Variants in TBC1D1 observed in about 807,000 individuals in gnomAD.
The protein encoded by TBC1D1 is TBC1 domain family member 1, also known as TBC1 (tre-2/USP6, BUB2, cdc16) domain family, member 1.
A neutral mutation model predicts 125.6 loss-of-function variants in TBC1D1; 89 were observed. The observed-to-expected ratio is 0.71, with a 90% confidence interval of 0.60 to 0.85. The LOEUF (loss-of-function observed/expected upper bound fraction) is 0.85. TBC1D1 is among the 40% of genes least tolerant of loss of function. The pLI is 0.00. For synonymous variants in TBC1D1, 565 were observed against 564.1 expected (o/e 1.00, Z -0.02); for missense variants, 1,377 against 1,469.2 (o/e 0.94, Z 1.03).
At chr4:38,018,226 A>C (rs780263222) in intron 3 of TBC1D1, 128 bp from the exon 4 acceptor site, 15 of 700,730 alleles carry the variant, frequency 2.1e-5, no homozygotes, top group Non-Finnish European at 3.6e-5. Flanking sequence ...ATAAGAGGGG[A>C]CCTTTGAAAT....
chr4:37,911,058 T>A (rs1718493072), intron 2 of TBC1D1, among the ~76,000 whole-genome samples: 1 of 151,528 alleles, frequency 6.6e-6, no homozygotes, highest in Admixed American at 6.6e-5. Flanking sequence ...TGGACTAGAC[T>A]AGCTTCCTAA....
chr4:38,083,450 G>A (rs964758148), intron 12 of TBC1D1, among the ~76,000 whole-genome samples: 1 of 152,188 alleles, frequency 6.6e-6, no homozygotes, highest in Non-Finnish European at 1.5e-5. Context: ...AATTAAACCT[G>A]TATGGATTTT....
intron 3 of TBC1D1, among the ~76,000 whole-genome samples, chr4:38,016,998 G>C (rs1315987154): frequency 6.6e-6 from 1 of 152,184 alleles, no homozygotes; most frequent in Admixed American, 6.5e-5. Flanking sequence ...TGCAGTGGGA[G>C]TGGAAGGGAC....
At chr4:37,916,895 T>C (rs1391531354) in intron 2 of TBC1D1, among the ~76,000 whole-genome samples, 1 of 151,954 alleles carries the variant, frequency 6.6e-6, no homozygotes, top group Non-Finnish European at 1.5e-5. Context: ...CTCCGCCTCT[T>C]GAGTAGCTGG....
At position 38,086,127 on chromosome 4, in the gene TBC1D1, AT is replaced by A. The variant is rs201162039; in HGVS notation, c.2051-3804del. On this transcript the variant is annotated intron_variant, in intron 12 of 19. Coordinates refer to ENST00000261439, the MANE Select transcript of TBC1D1 (RefSeq NM_015173.4). ...AGGCTACTCTTAATATGAACAAAAA[AT>A]ATTATACAAATTTGTTGTTAATCGT... Among the ~76,000 whole-genome samples the A allele has an allele frequency of 5.8e-3, 884 of 151,968 alleles. 25 individuals are homozygous for A. Among genetic ancestry groups the A allele is most frequent in the Non-Finnish European group, 3.4e-3 (230 of 67,994 alleles).
intron 2 of TBC1D1, among the ~76,000 whole-genome samples, chr4:37,971,611 T>A (rs1351053533): frequency 6.6e-6 from 1 of 152,114 alleles, no homozygotes; most frequent in Non-Finnish European, 1.5e-5. Flanking sequence ...CCAAACCATA[T>A]CAGATACTAT....
chr4:38,049,862 A>G lies in TBC1D1; in HGVS notation c.1874A>G (p.Tyr625Cys), dbSNP rs1750162391. The G allele has an allele frequency of 6.2e-7, 1 of 1,614,034 alleles. No individual in the cohort carries two copies. Among genetic ancestry groups the G allele is most frequent in the South Asian group, 1.1e-5 (1 of 91,074 alleles). Residue 625 changes from tyrosine (Y) to cysteine (C), a missense_variant, in exon 11 of 20, where the codon TAT (tyrosine) becomes TGT (cysteine). By Grantham distance (194) the Tyr-to-Cys change is radical. Around this residue, in one of 3 missense-constraint regions of TBC1D1, gnomAD observed 822 missense variants for 824.6 expected, o/e 1.00. Coordinates refer to ENST00000261439, the MANE Select transcript of TBC1D1 (RefSeq NM_015173.4). ...GTTTCGCAAAGGAAACTTATGAGGT[A>G]TCACTCAGTGAGCACAGAGACGCCT...
Position 37,977,577 on chromosome 4 carries a change from G to T in TBC1D1, c.418-36932G>T. On this transcript the variant is annotated intron_variant, in intron 2 of 19. Transcript: ENST00000261439. This position sits in a 1 kb window ranked among gnomAD's most constrained non-coding sequence, Gnocchi z 4.3. ...CCGTTACCGGAGCGGAGCGGCAGGC[G>T]CGGGGCTGGAACATTTGTAACCTTC... The T allele has an allele frequency of 1.6e-6, 1 of 611,198 alleles. No individual in the cohort carries two copies. The highest frequency in any genetic ancestry group is 2.0e-5 in the African/African-American group (1 of 49,982). 37.9% of individuals were successfully genotyped at this position (611,198 alleles called of 1,614,324 possible).
At chr4:38,107,858 C>T (rs1687470324) in intron 15 of TBC1D1, among the ~76,000 whole-genome samples, 2 of 152,082 alleles carry the variant, frequency 1.3e-5, no homozygotes, top group South Asian at 4.1e-4. Flanking sequence ...CATACCACAT[C>T]CCTTCTAGGG....
chr4:38,069,996 A>T (rs1177049134), intron 12 of TBC1D1, among the ~76,000 whole-genome samples: 2 of 152,114 alleles, frequency 1.3e-5, no homozygotes. Flanking sequence ...CTAGGCCATT[A>T]TCTGGGCTGT....
At chr4:38,135,473 A>G (rs1022683433) in intron 19 of TBC1D1, among the ~76,000 whole-genome samples, 2 of 152,260 alleles carry the variant, frequency 1.3e-5, no homozygotes, top group Non-Finnish European at 2.9e-5. Context: ...GCTTGCTTCT[A>G]TAAAAGCATC....
chr4:38,137,488 T>A lies in TBC1D1; in HGVS notation c.*153T>A. 8.7e-7 allele frequency: 1 copy of A among 1,155,282 alleles called. No homozygotes were observed. Among genetic ancestry groups the A allele is most frequent in the Non-Finnish European group, 1.1e-6 (1 of 896,810 alleles). 71.6% of individuals were successfully genotyped at this position (1,155,282 alleles called of 1,614,324 possible). ...CAAGTAGATTCTTACGAACTCCAAC[T>A]TGCAATTCAGGGGGCATGTCCCAGT... is the stretch of plus-strand genomic sequence containing the variant. On this transcript the variant is annotated 3_prime_UTR_variant, in exon 20 of 20. Transcript: ENST00000261439.
chr4:38,098,768 G>A (rs1205766794), intron 14 of TBC1D1, among the ~76,000 whole-genome samples: 1 of 152,176 alleles, frequency 6.6e-6, no homozygotes, highest in Non-Finnish European at 1.5e-5. Flanking sequence ...GACCTTTGAA[G>A]TAGAGGCCAA....
intron 8 of TBC1D1, among the ~76,000 whole-genome samples, chr4:38,037,843 A>T (rs77503348): frequency 0.1 from 15,243 of 152,132 alleles, 959 homozygotes; most frequent in Non-Finnish European, 0.13. Context: ...AATAGAAAAA[A>T]CCCTGAATGA....
At chr4:37,933,146 A>G (rs139589793) in intron 2 of TBC1D1, among the ~76,000 whole-genome samples, 1 of 152,132 alleles carries the variant, frequency 6.6e-6, no homozygotes, top group Non-Finnish European at 1.5e-5. Context: ...TGTATTACCT[A>G]TTTTCTCACC....
At chr4:37,939,185 C>T (rs1428045377) in intron 2 of TBC1D1, among the ~76,000 whole-genome samples, 1 of 152,198 alleles carries the variant, frequency 6.6e-6, no homozygotes, top group Admixed American at 6.5e-5. Context: ...TCTCCAGCAC[C>T]TGTTGTTTCC....
chr4:38,037,936 C>T (rs905202653), intron 8 of TBC1D1, among the ~76,000 whole-genome samples: 1 of 152,176 alleles, frequency 6.6e-6, no homozygotes, highest in African/African-American at 2.4e-5. Context: ...AGTCAATGGA[C>T]TTGTCGTTTC....
At chr4:37,895,841 C>T (rs1232242511) in intron 1 of TBC1D1, among the ~76,000 whole-genome samples, 1 of 152,202 alleles carries the variant, frequency 6.6e-6, no homozygotes, top group Admixed American at 6.5e-5. Flanking sequence ...TTCAGGAGCT[C>T]CATGCAATGG....
At chr4:38,127,471 A>G (rs566166758) in intron 18 of TBC1D1, among the ~76,000 whole-genome samples, 1 of 141,012 alleles carries the variant, frequency 7.1e-6, no homozygotes, top group East Asian at 2.1e-4. Context: ...TGCAACCTCC[A>G]CCTTCTGGGC....
Sources: allele counts gnomAD v4.1 joint callset (sites outside exome capture counted in the v4.1 genomes callset), GRCh38; gene constraint gnomAD v4.1.1; regional missense constraint gnomAD v4.1.1; non-coding constraint Gnocchi (gnomAD v3.1); transcripts MANE v1.5; gene names NCBI Gene and HGNC (gene_info 2026-07-23, HGNC 2026-07-21).